Variants in NUP155 observed in about 807,000 individuals in gnomAD.
NUP155 encodes nuclear pore complex protein Nup155.
A neutral mutation model predicts 180.4 loss-of-function variants in NUP155; 71 were observed. The ratio of observed to expected loss-of-function variants is 0.39; its 90% CI spans 0.33 to 0.48. NUP155 has a LOEUF of 0.48. NUP155 is among the 20% of genes least tolerant of loss of function. NUP155 has a pLI of 0.91. For synonymous variants in NUP155, 582 were observed against 559.5 expected (o/e 1.04, Z -0.57); for missense variants, 1,553 against 1,648.9 (o/e 0.94, Z 1.01).
At chr5:37,347,498 C>T (rs1746171682) in intron 9 of NUP155, among the ~76,000 whole-genome samples, 1 of 150,734 alleles carries the variant, frequency 6.6e-6, no homozygotes, top group Non-Finnish European at 1.5e-5. Context: ...GAGTTCGAGA[C>T]CAGCCTGACC....
intron 3 of NUP155, among the ~76,000 whole-genome samples, chr5:37,362,801 C>A (rs1042509656): frequency 6.6e-6 from 1 of 152,170 alleles, no homozygotes; most frequent in Non-Finnish European, 1.5e-5. Context: ...ACAACTATTA[C>A]ATTTCAACAT....
Position 37,289,552 on chromosome 5 carries a change from C to G in NUP155, c.*2348G>C, listed in dbSNP as rs898244649. 2 of 151,908 alleles carry G rather than the reference C, an allele frequency of 1.3e-5. No homozygotes were observed. The highest frequency in any genetic ancestry group is 4.8e-5 in the African/African-American group (2 of 41,388). The allele number at this position is 151,908 out of a possible 1,614,324, so 9.4% of individuals were successfully genotyped here. ...ATTTCTTCTCTCTTAGGAATCTTAC[C>G]CCCCAAAAGGTATTGCAAGCATCTG... On this transcript the variant is annotated 3_prime_UTR_variant, in exon 35 of 35. Transcript: ENST00000231498.
chr5:37,308,998 C>T (rs1296154186), intron 24 of NUP155, 131 bp downstream of exon 24: 11 of 836,626 alleles, frequency 1.3e-5, no homozygotes, highest in Non-Finnish European at 2.1e-5. Context: ...TACGTCCTTT[C>T]ACTCGGCCTC....
chr5:37,323,850 G>T, intron 20 of NUP155, 142 bp downstream of exon 20: 1 of 644,850 alleles, frequency 1.6e-6, no homozygotes, highest in South Asian at 1.8e-5. Flanking sequence ...AGATAGTGGT[G>T]ATGGTTGCAT....
At chr5:37,359,414 C>T (rs1477702672) in intron 3 of NUP155, among the ~76,000 whole-genome samples, 1 of 151,814 alleles carries the variant, frequency 6.6e-6, no homozygotes, top group East Asian at 1.9e-4. Context: ...AAGAAGAGGG[C>T]CATCTTACAA....
rs186636087 is a variant in NUP155 at position 37,307,745 on chromosome 5, A to C, written c.2768-313T>G. 7.4e-3 allele frequency among the ~76,000 whole-genome samples: 1,126 copies of C among 152,110 alleles called. 13 individuals carry two copies. Among genetic ancestry groups the C allele is most frequent in the Middle Eastern group, 0.024 (7 of 294 alleles). ...GAGACCAGCCTGACCAACATGGTGA[A>C]ACCCCACCTCTACTAAAAATACAAA... is the stretch of plus-strand genomic sequence containing the variant. On this transcript the variant is annotated intron_variant, in intron 24 of 34. Coordinates refer to ENST00000231498, the MANE Select transcript of NUP155 (RefSeq NM_153485.3).
intron 34 of NUP155, among the ~76,000 whole-genome samples, chr5:37,292,341 G>A (rs980316745): frequency 7.9e-5 from 12 of 151,618 alleles, no homozygotes; most frequent in Non-Finnish European, 1.5e-4. Context: ...TCAGCCTCCC[G>A]TGTAGCTGGG....
chr5:37,340,317 T>G (rs1429357140), intron 11 of NUP155, among the ~76,000 whole-genome samples: 2 of 151,972 alleles, frequency 1.3e-5, no homozygotes, highest in African/African-American at 4.8e-5. Flanking sequence ...GGCACACACC[T>G]GTAGTCTCTC....
At chr5:37,312,032 AAAAC>A (rs1336447286) in intron 22 of NUP155, among the ~76,000 whole-genome samples, 14 of 152,258 alleles carry the variant, frequency 9.2e-5, no homozygotes, top group East Asian at 1.9e-4. Context: ...AAAAAAATAA[AAAAC>A]AAACAAACAA....
chr5:37,297,095 GA>G (rs1230579975), intron 32 of NUP155, among the ~76,000 whole-genome samples: 1 of 151,780 alleles, frequency 6.6e-6, no homozygotes, highest in Non-Finnish European at 1.5e-5. Context: ...TCTATCAAAA[GA>G]AAAAAATATA....
rs1231058827 is a variant in NUP155 at position 37,370,897 on chromosome 5, T to C, written c.81A>G (p.Gly27=). The C allele has an allele frequency of 6.2e-7, 1 of 1,614,062 alleles. No homozygotes were observed. Among genetic ancestry groups the C allele is most frequent in the African/African-American group, 1.3e-5 (1 of 74,998 alleles). Residue 27 remains glycine, a synonymous_variant, in exon 1 of 35, where the codon GGA becomes GGG. Coordinates refer to ENST00000231498, the MANE Select transcript of NUP155 (RefSeq NM_153485.3). ...AALQEALENA[G]RLIDRQLQED... ...CTTGCAACTGACGGTCGATGAGCCG[T>C]CCAGCATTTTCCAGAGCTTCCTGCA... is the stretch of plus-strand genomic sequence containing the variant.
chr5:37,342,167 C>T (rs1561799340), intron 10 of NUP155, among the ~76,000 whole-genome samples: 1 of 152,172 alleles, frequency 6.6e-6, no homozygotes. Flanking sequence ...GCCTCCCAAG[C>T]AGCTGGTACT....
chr5:37,323,993 T>C lies in NUP155; in HGVS notation c.2206A>G (p.Asn736Asp), dbSNP rs749509494. ...QFAGGPLGNP[N>D]TTAKVQQRLI... is the part of the protein sequence containing the mutation. ...TTAATAAACCCTATTTATTCTTACTTTGGATTTCCTAATGGTCCTCCTGCA... is the reference window on the plus strand; with the variant it reads ...TTAATAAACCCTATTTATTCTTACTCTGGATTTCCTAATGGTCCTCCTGCA... Residue 736 changes from asparagine to aspartate, a missense_variant and splice_region_variant, in exon 20 of 35, where the codon AAT (asparagine) becomes GAT (aspartate). Coordinates refer to ENST00000231498, the MANE Select transcript of NUP155 (RefSeq NM_153485.3). The C allele has an allele frequency of 1.3e-6, 2 of 1,582,920 alleles. No homozygotes were observed. The highest frequency in any genetic ancestry group is 1.7e-6 in the Non-Finnish European group (2 of 1,151,830).
intron 3 of NUP155, among the ~76,000 whole-genome samples, chr5:37,363,171 C>G (rs1050309285): frequency 3.3e-5 from 5 of 152,160 alleles, no homozygotes; most frequent in African/African-American, 9.7e-5. Flanking sequence ...CTCAGCCTCC[C>G]AAAGTGCTGG....
chr5:37,339,701 A>G (rs74332558), intron 11 of NUP155, among the ~76,000 whole-genome samples: 7,053 of 152,286 alleles, frequency 0.046, 561 homozygotes, highest in African/African-American at 0.16. Context: ...AGATGGCAAC[A>G]TGCCCCAAAT....
chr5:37,351,218 T>C lies in NUP155; in HGVS notation c.695A>G (p.Asp232Gly), dbSNP rs1195159113. 3 of 1,613,704 alleles carry C rather than the reference T, an allele frequency of 1.9e-6. No individual in the cohort carries two copies. The highest frequency in any genetic ancestry group is 1.7e-5 in the Admixed American group (1 of 59,968). Residue 232 changes from aspartate (D) to glycine (G), a missense_variant, in exon 6 of 35, where the codon GAT becomes GGT. Coordinates refer to ENST00000231498, the MANE Select transcript of NUP155 (RefSeq NM_153485.3). ...DNGRIFLAGK[D>G]GCLYEVAYQA... ...GTAGGCTACTTCATATAAACAGCCA[T>C]CCTTTCCAGCCAAGAAAATTCTGCC...
At chr5:37,367,515 A>G (rs1447285430) in intron 1 of NUP155, among the ~76,000 whole-genome samples, 3 of 149,870 alleles carry the variant, frequency 2.0e-5, no homozygotes, top group Non-Finnish European at 4.4e-5. Context: ...GAGCCCAGCC[A>G]AACAGCATTT....
chr5:37,313,507 G>A (rs1032830983), intron 22 of NUP155, among the ~76,000 whole-genome samples: 2 of 150,602 alleles, frequency 1.3e-5, no homozygotes, highest in African/African-American at 4.9e-5. Flanking sequence ...GTGTGTGTGA[G>A]AGAGACAGAG....
chr5:37,351,940 C>T lies in NUP155; in HGVS notation c.557-584G>A, dbSNP rs535236682. Among the ~76,000 whole-genome samples, 10 of 151,960 alleles carry T rather than the reference C, an allele frequency of 6.6e-5. No homozygotes were observed. In the South Asian group the frequency reaches 1.2e-3, roughly 19 times the overall value. Reference sequence around the variant, plus strand: ...TAAGATAATAAACAAGAAACTAACCCGGCCGGGTGCCGTGGCTCATGCCTG... The same window carrying T: ...TAAGATAATAAACAAGAAACTAACCTGGCCGGGTGCCGTGGCTCATGCCTG... On this transcript the variant is annotated intron_variant, in intron 5 of 34. Coordinates refer to ENST00000231498, the MANE Select transcript of NUP155 (RefSeq NM_153485.3).
Sources: gnomAD v4.1 joint callset for allele counts (sites outside exome capture counted in the v4.1 genomes callset) on GRCh38, gnomAD v4.1.1 for gene constraint, MANE v1.5 for transcripts, NCBI Gene and HGNC (gene_info 2026-07-23, HGNC 2026-07-21) for gene names.